RAPGEF6: variants seen among roughly 807,000 people sequenced by gnomAD.
RAPGEF6 encodes Rap guanine nucleotide exchange factor 6, also known as PDZ domain containing guanine nucleotide exchange factor (GEF) 2.
RAPGEF6 carries 56 observed loss-of-function variants against 171.4 expected under a neutral mutation model. The ratio of observed to expected loss-of-function variants is 0.33; its 90% CI spans 0.26 to 0.41. The LOEUF is 0.41. RAPGEF6 is among the 10% of genes least tolerant of loss of function. RAPGEF6 has a pLI of 1.00. For synonymous variants in RAPGEF6, 692 were observed against 650.1 expected, an observed-to-expected ratio of 1.06 and a Z score of -0.98; for missense variants, 1,674 against 1,921.4, an observed-to-expected ratio of 0.87 and a Z score of 2.41.
intron 20 of RAPGEF6, among the ~76,000 whole-genome samples, chr5:131,453,894 T>C (rs1193653597): frequency 2.6e-5 from 4 of 152,138 alleles, no homozygotes; most frequent in Admixed American, 1.3e-4. Context: ...GAAAAACATA[T>C]CTGAAGCCTG....
At chr5:131,618,010 C>G (rs1280012573) in intron 1 of RAPGEF6, among the ~76,000 whole-genome samples, 1 of 152,152 alleles carries the variant, frequency 6.6e-6, no homozygotes, top group Non-Finnish European at 1.5e-5. Flanking sequence ...AAATTCATTT[C>G]TCACTAAAGG....
intron 6 of RAPGEF6, among the ~76,000 whole-genome samples, chr5:131,522,543 T>C (rs1384501089): frequency 1.3e-5 from 2 of 152,194 alleles, no homozygotes; most frequent in Non-Finnish European, 2.9e-5. Context: ...GAGGAGTTAA[T>C]GTAATTATAA....
intron 7 of RAPGEF6, among the ~76,000 whole-genome samples, chr5:131,519,250 T>C (rs981635237): frequency 2.0e-5 from 3 of 152,206 alleles, no homozygotes; most frequent in Non-Finnish European, 2.9e-5. Flanking sequence ...TGTAGTATCT[T>C]TGCAAAGATG....
chr5:131,517,780 TACAC>T (rs36091456), intron 7 of RAPGEF6, among the ~76,000 whole-genome samples: 14,031 of 140,260 alleles, frequency 0.1, 1,215 homozygotes, highest in African/African-American at 0.23. Context: ...TTCGCGCATG[TACAC>T]ACACACACAC....
chr5:131,440,202 G>C (rs1752288724), intron 23 of RAPGEF6: 1 of 456,302 alleles, frequency 2.2e-6, no homozygotes, highest in African/African-American at 2.0e-5. Flanking sequence ...TGCCAGTCCA[G>C]CCCTTTTCAA....
chr5:131,482,262 A>C (rs1755537276), intron 15 of RAPGEF6, among the ~76,000 whole-genome samples: 1 of 97,530 alleles, frequency 1.0e-5, no homozygotes, highest in African/African-American at 4.1e-5. Context: ...TAATATATAC[A>C]CACACGTGTG....
Position 131,507,241 on chromosome 5 carries a change from A to G in RAPGEF6, c.942+830T>C, listed in dbSNP as rs575893610. Among the ~76,000 whole-genome samples, 8 of 149,164 alleles carry G rather than the reference A, an allele frequency of 5.4e-5. No individual in the cohort carries two copies. The South Asian group carries it at 1.5e-3, about 27-fold the overall frequency. On this transcript the variant is annotated intron_variant, in intron 9 of 27. Transcript: ENST00000509018. ...TTACTTATAGATTATATAAGTATAT[A>G]ATTTATATTATAAATGTACTGCAAT...
At chr5:131,460,078 C>T (rs1292790065) in intron 19 of RAPGEF6, among the ~76,000 whole-genome samples, 1 of 151,982 alleles carries the variant, frequency 6.6e-6, no homozygotes, top group African/African-American at 2.4e-5. Flanking sequence ...AAAAAGAATA[C>T]AAAAGAAACA....
chr5:131,427,021 C>G lies in RAPGEF6; in HGVS notation c.*245G>C, dbSNP rs1441038512. 1.9e-6 allele frequency: 1 copy of G among 513,682 alleles called. No homozygotes were observed. Among genetic ancestry groups the G allele is most frequent in the Non-Finnish European group, 3.4e-6 (1 of 293,270 alleles). 31.8% of individuals were successfully genotyped at this position (513,682 alleles called of 1,614,324 possible). The stretch of plus-strand genomic sequence containing the variant: ...TGTAACTGTGGTCCCAAGGCAGTTC[C>G]GGCGTGCAAAGTGGAGACTGGTATC... On this transcript the variant is annotated 3_prime_UTR_variant, in exon 28 of 28. Transcript: ENST00000509018.
chr5:131,446,787 G>A, intron 21 of RAPGEF6, 84 bp from the exon 22 acceptor site: 1 of 1,251,444 alleles, frequency 8.0e-7, no homozygotes, highest in Non-Finnish European at 1.1e-6. Flanking sequence ...ATTTTGTTCT[G>A]TTAATGCTAT....
chr5:131,594,168 C>T (rs1421856753), intron 3 of RAPGEF6, among the ~76,000 whole-genome samples: 1 of 152,236 alleles, frequency 6.6e-6, no homozygotes, highest in African/African-American at 2.4e-5. Context: ...CCCTGCATCC[C>T]AGCTGCTCCA....
chr5:131,529,747 C>CA, intron 6 of RAPGEF6, among the ~76,000 whole-genome samples: 1 of 151,760 alleles, frequency 6.6e-6, no homozygotes, highest in South Asian at 2.1e-4. Context: ...CTTGTCTCTA[C>CA]AAAAAAATTA....
At chr5:131,521,828 G>T in intron 6 of RAPGEF6, among the ~76,000 whole-genome samples, 1 of 132,272 alleles carries the variant, frequency 7.6e-6, no homozygotes, top group Non-Finnish European at 1.6e-5. Context: ...TTTAAGGGTA[G>T]GAATGTTACC....
chr5:131,627,876 C>T (rs1044952362), intron 1 of RAPGEF6, among the ~76,000 whole-genome samples: 1 of 152,096 alleles, frequency 6.6e-6, no homozygotes, highest in Non-Finnish European at 1.5e-5. Flanking sequence ...ATTATATTTG[C>T]TATGGTGGCC....
At chr5:131,542,408 C>G (rs1352466919) in intron 6 of RAPGEF6, among the ~76,000 whole-genome samples, 1 of 152,070 alleles carries the variant, frequency 6.6e-6, no homozygotes, top group African/African-American at 2.4e-5. Context: ...AGTTATCTAT[C>G]AAGACAGACA....
chr5:131,577,068 G>A (rs1762647859), intron 4 of RAPGEF6, among the ~76,000 whole-genome samples: 4 of 152,170 alleles, frequency 2.6e-5, no homozygotes, highest in Admixed American at 2.6e-4. Context: ...CTTTTGGTCT[G>A]GGTAGATACA....
intron 7 of RAPGEF6, among the ~76,000 whole-genome samples, chr5:131,511,003 A>G (rs1350431116): frequency 6.6e-6 from 1 of 152,156 alleles, no homozygotes; most frequent in African/African-American, 2.4e-5. Flanking sequence ...ACTAAAATGC[A>G]CTAAAATAGA....
At chr5:131,564,711 T>C (rs954151811) in intron 4 of RAPGEF6, among the ~76,000 whole-genome samples, 3 of 152,110 alleles carry the variant, frequency 2.0e-5, no homozygotes, top group African/African-American at 7.2e-5. Flanking sequence ...ATCAGAAGTA[T>C]AGAAATCAAC....
intron 23 of RAPGEF6, 80 bp downstream of exon 23, chr5:131,442,269 G>A: frequency 7.4e-7 from 1 of 1,344,892 alleles, no homozygotes; most frequent in Non-Finnish European, 1.0e-6. Flanking sequence ...CTTATCTCCT[G>A]AACATCTGTA....
Sources: allele counts gnomAD v4.1 joint callset (sites outside exome capture counted in the v4.1 genomes callset), GRCh38; gene constraint gnomAD v4.1.1; transcripts MANE v1.5; gene names NCBI Gene and HGNC (gene_info 2026-07-23, HGNC 2026-07-21).